Variants in COL23A1 observed in about 807,000 individuals in gnomAD.
COL23A1 encodes collagen type XXIII alpha 1 chain.
In COL23A1, 97 loss-of-function variants were observed where a neutral mutation model predicts 99.3. That is an observed-to-expected ratio of 0.98 (90% CI 0.83 to 1.16). The LOEUF (loss-of-function observed/expected upper bound fraction) is 1.16, where lower values mean the gene tolerates loss of function less well. Among genes scored for constraint, COL23A1 ranks in the 50% most tolerant of loss-of-function variants. COL23A1 has a pLI of 0.00. For missense variants in COL23A1, 762 were observed against 757.4 expected (o/e 1.01, Z -0.07); for synonymous variants, 320 against 308.2 (o/e 1.04, Z -0.40).
At chr5:178,346,841 A>C (rs1761000395) in intron 2 of COL23A1, among the ~76,000 whole-genome samples, 1 of 152,244 alleles carries the variant, frequency 6.6e-6, no homozygotes, top group Non-Finnish European at 1.5e-5. Flanking sequence ...TGAAGGCTGC[A>C]GATAGACACC....
chr5:178,486,547 A>AC (rs1757640947), intron 2 of COL23A1, among the ~76,000 whole-genome samples: 1 of 151,996 alleles, frequency 6.6e-6, no homozygotes, highest in African/African-American at 2.4e-5. Context: ...GGGTTGAAAA[A>AC]AAGAAACGAA....
intron 2 of COL23A1, among the ~76,000 whole-genome samples, chr5:178,548,450 G>T (rs916580025): frequency 6.6e-6 from 1 of 152,004 alleles, no homozygotes; most frequent in African/African-American, 2.4e-5. Flanking sequence ...TCCAAAAACC[G>T]GGAGTCACCC....
chr5:178,497,779 G>A (rs558405842), intron 2 of COL23A1, among the ~76,000 whole-genome samples: 3 of 152,214 alleles, frequency 2.0e-5, no homozygotes, highest in Non-Finnish European at 4.4e-5. Flanking sequence ...AAGAATTAAT[G>A]AACTGGAACA....
At chr5:178,263,157 T>G in intron 9 of COL23A1, 51 bp downstream of exon 9, 5 of 1,291,202 alleles carry the variant, frequency 3.9e-6, no homozygotes, top group Non-Finnish European at 5.6e-6. Flanking sequence ...GGAATCAGGA[T>G]TTGGGGTTTT....
rs551250102 is a variant in COL23A1, at chr5:178,245,942, A to C, written c.1440T>G (p.Asp480Glu). ...CTCAAAGTGATGATAAGACACTTAC[A>C]TCTAGTCCTGGCTCCCCGGGTCTGC... Reference protein sequence around the residue: ...EKGRPGEPGLDGFPGPRGEKG... With the variant: ...EKGRPGEPGLEGFPGPRGEKG... The change falls in exon 25 of 29, where the codon GAT (aspartate) becomes GAG (glutamate). Residue 480 changes from aspartate (D) to glutamate (E), a missense_variant and splice_region_variant. Coordinates refer to ENST00000390654, the MANE Select transcript of COL23A1 (RefSeq NM_173465.4). 49 of 1,614,050 alleles carry C rather than the reference A, an allele frequency of 3.0e-5. No individual in the cohort carries two copies. The highest frequency in any genetic ancestry group is 3.9e-5 in the Non-Finnish European group (46 of 1,180,012).
intron 2 of COL23A1, among the ~76,000 whole-genome samples, chr5:178,357,895 ATG>A (rs756359165): frequency 8.7e-4 from 106 of 122,450 alleles, no homozygotes; most frequent in African/African-American, 2.1e-3. Flanking sequence ...GTGTGTGTGT[ATG>A]TGTGTCTAAT....
Position 178,281,360 on chromosome 5 carries a change from G to A in COL23A1, c.441+6964C>T, listed in dbSNP as rs914644367. Among the ~76,000 whole-genome samples, 7 of 152,240 alleles carry A rather than the reference G, an allele frequency of 4.6e-5. No individual in the cohort carries two copies. Among genetic ancestry groups the A allele is most frequent in the Admixed American group, 1.3e-4 (2 of 15,296 alleles). On this transcript the variant is annotated intron_variant, in intron 5 of 28. Transcript: ENST00000390654. The surrounding 1 kb of genome is among the most constrained non-coding windows in gnomAD (Gnocchi z 4.0). ...TTGATTAATTCCAAACCGTCCATCC[G>A]AGTCCTTCATTTCAAAATTGGTCCC...
intron 2 of COL23A1, among the ~76,000 whole-genome samples, chr5:178,456,862 G>A (rs143104087): frequency 1.3e-5 from 2 of 152,244 alleles, no homozygotes; most frequent in African/African-American, 4.8e-5. Flanking sequence ...AGTAAGAAAA[G>A]CAAGAAAATT....
At chr5:178,453,219 T>C (rs1195851089) in intron 2 of COL23A1, among the ~76,000 whole-genome samples, 1 of 152,220 alleles carries the variant, frequency 6.6e-6, no homozygotes, top group Non-Finnish European at 1.5e-5. Context: ...CACACAACAT[T>C]ATCTCTGGAG....
In COL23A1 at chr5:178,315,314, G is replaced by A. The variant is rs551182317; in HGVS notation, c.362-8395C>T. 2.9e-4 allele frequency among the ~76,000 whole-genome samples: 44 copies of A among 152,294 alleles called. No individual in the cohort carries two copies. In the East Asian group the frequency reaches 4.3e-3, roughly 15 times the overall value. ...GGAGGGCTCAGGCAAGGGGGTGCCCGGTGGGCTGGGGATGGTAGGACCTGC... is the reference window on the plus strand; with the variant it reads ...GGAGGGCTCAGGCAAGGGGGTGCCCAGTGGGCTGGGGATGGTAGGACCTGC... On this transcript the variant is annotated intron_variant, in intron 2 of 28. Coordinates refer to ENST00000390654, the MANE Select transcript of COL23A1 (RefSeq NM_173465.4).
At chr5:178,286,794 A>C (rs1757177913) in intron 5 of COL23A1, among the ~76,000 whole-genome samples, 1 of 152,162 alleles carries the variant, frequency 6.6e-6, no homozygotes, top group African/African-American at 2.4e-5. Context: ...CCCCCGGGGC[A>C]GCAGGCAGCA....
At chr5:178,524,154 G>T (rs1481329350) in intron 2 of COL23A1, among the ~76,000 whole-genome samples, 2 of 152,118 alleles carry the variant, frequency 1.3e-5, no homozygotes, top group Non-Finnish European at 2.9e-5. Context: ...AAAAATCCAG[G>T]AAGATTCAGG....
Position 178,577,515 on chromosome 5 carries a change from C to A in COL23A1, c.294+12389G>T, listed in dbSNP as rs572943687. Reference sequence around the variant, plus strand: ...CTCAGGCACTCACCGAGGACAGGACCCGGGGAATCCGCTGGGGCTTTCAGC... The same window carrying A: ...CTCAGGCACTCACCGAGGACAGGACACGGGGAATCCGCTGGGGCTTTCAGC... On this transcript the variant is annotated intron_variant, in intron 1 of 28. Coordinates refer to ENST00000390654, the MANE Select transcript of COL23A1 (RefSeq NM_173465.4). 7.1e-4 allele frequency among the ~76,000 whole-genome samples: 108 copies of A among 152,314 alleles called. 3 individuals carry two copies. The South Asian group carries it at 0.02, about 28-fold the overall frequency.
intron 2 of COL23A1, among the ~76,000 whole-genome samples, chr5:178,358,862 C>T (rs10464117): frequency 0.97 from 148,362 of 152,266 alleles, 72,345 homozygotes; most frequent in East Asian, 1. Flanking sequence ...ATATTAAATG[C>T]CTGTTTATAA....
At chr5:178,565,391 G>T (rs1762792527) in intron 1 of COL23A1, among the ~76,000 whole-genome samples, 1 of 152,186 alleles carries the variant, frequency 6.6e-6, no homozygotes, top group African/African-American at 2.4e-5. Context: ...ACCAGAGGAA[G>T]GGCTTGTCGA....
chr5:178,356,687 G>A (rs544180692), intron 2 of COL23A1, among the ~76,000 whole-genome samples: 2 of 152,204 alleles, frequency 1.3e-5, no homozygotes, highest in African/African-American at 2.4e-5. Flanking sequence ...AGCCATTGCC[G>A]CCGGAGCAGA....
intron 2 of COL23A1, among the ~76,000 whole-genome samples, chr5:178,524,667 C>A (rs1760207958): frequency 6.6e-6 from 1 of 152,260 alleles, no homozygotes; most frequent in Non-Finnish European, 1.5e-5. Context: ...ACCTGGCCAA[C>A]TTCCAGGCCA....
At chr5:178,549,948 A>G (rs1761916802) in intron 2 of COL23A1, among the ~76,000 whole-genome samples, 1 of 152,218 alleles carries the variant, frequency 6.6e-6, no homozygotes, top group Non-Finnish European at 1.5e-5. Context: ...ACTTTTTTAT[A>G]TATTTGAAAC....
At chr5:178,325,115 C>T (rs994542456) in intron 2 of COL23A1, among the ~76,000 whole-genome samples, 4 of 152,218 alleles carry the variant, frequency 2.6e-5, no homozygotes, top group Non-Finnish European at 5.9e-5. Context: ...AAGAACCAGA[C>T]GCTGAACTTC....
Sources: gnomAD v4.1 joint callset for allele counts (sites outside exome capture counted in the v4.1 genomes callset) on GRCh38, gnomAD v4.1.1 for gene constraint, Gnocchi (gnomAD v3.1) non-coding constraint, MANE v1.5 for transcripts, NCBI Gene and HGNC (gene_info 2026-07-23, HGNC 2026-07-21) for gene names.